MAGI2: variants seen among roughly 807,000 people sequenced by gnomAD.
MAGI2 encodes membrane-associated guanylate kinase, WW and PDZ domain-containing protein 2.
Under a neutral mutation model 133.3 loss-of-function variants are expected in MAGI2, and 35 were observed. The ratio of observed to expected loss-of-function variants is 0.26; its 90% CI spans 0.20 to 0.35. The LOEUF is 0.35. Ranked by LOEUF, MAGI2 falls within the 10% of genes least tolerant of loss-of-function variation. The pLI is 1.00. For missense variants in MAGI2, 1,636 were observed against 1,863.4 expected, an observed-to-expected ratio of 0.88 and a Z score of 2.25; for synonymous variants, 729 against 710.6, an observed-to-expected ratio of 1.03 and a Z score of -0.41.
At chr7:79,134,881 T>TATG (rs1821240255) in intron 1 of MAGI2, among the ~76,000 whole-genome samples, 1 of 152,174 alleles carries the variant, frequency 6.6e-6, no homozygotes, top group Non-Finnish European at 1.5e-5. Context: ...AGATAATAGA[T>TATG]ATGATTCCCT....
intron 9 of MAGI2, among the ~76,000 whole-genome samples, chr7:78,302,374 G>A (rs1797905715): frequency 6.6e-6 from 1 of 152,078 alleles, no homozygotes; most frequent in Non-Finnish European, 1.5e-5. Flanking sequence ...AATATAACGT[G>A]GTCACCGGGT....
At chr7:78,055,080 G>C (rs1178456609) in intron 21 of MAGI2, among the ~76,000 whole-genome samples, 1 of 152,158 alleles carries the variant, frequency 6.6e-6, no homozygotes, top group Non-Finnish European at 1.5e-5. Context: ...ACATCCACTG[G>C]TGTGAGGTGA....
intron 2 of MAGI2, among the ~76,000 whole-genome samples, chr7:78,910,627 T>G (rs1026849519): frequency 6.6e-6 from 1 of 152,172 alleles, no homozygotes; most frequent in Non-Finnish European, 1.5e-5. Context: ...ATTGCAAGGT[T>G]TCAAGTACAA....
At chr7:78,968,447 A>C (rs1203083772) in intron 2 of MAGI2, among the ~76,000 whole-genome samples, 3 of 150,734 alleles carry the variant, frequency 2.0e-5, no homozygotes, top group Non-Finnish European at 4.4e-5. Context: ...TTTGGTCTTA[A>C]TGTACAGGTC....
At chr7:78,208,669 T>G (rs1001928612) in intron 10 of MAGI2, among the ~76,000 whole-genome samples, 9 of 145,176 alleles carry the variant, frequency 6.2e-5, no homozygotes, top group African/African-American at 2.3e-4. Context: ...CTGACATTTT[T>G]TAAAAAATGG....
intron 2 of MAGI2, among the ~76,000 whole-genome samples, chr7:78,885,563 T>C (rs1483934129): frequency 6.6e-6 from 1 of 151,776 alleles, no homozygotes; most frequent in Non-Finnish European, 1.5e-5. Flanking sequence ...AGGCCAATGT[T>C]AGAACCAGCC....
chr7:78,705,345 G>A (rs1818533212), intron 2 of MAGI2, among the ~76,000 whole-genome samples: 1 of 152,070 alleles, frequency 6.6e-6, no homozygotes, highest in Admixed American at 6.6e-5. Context: ...TTTGCCTTGT[G>A]CCATGGTTGT....
At chr7:78,891,055 G>A (rs1033671641) in intron 2 of MAGI2, among the ~76,000 whole-genome samples, 2 of 152,056 alleles carry the variant, frequency 1.3e-5, no homozygotes, top group African/African-American at 4.8e-5. Context: ...TATCACCACC[G>A]ATCCCACAGA....
chr7:79,250,190 G>C (rs1171283128), intron 1 of MAGI2, among the ~76,000 whole-genome samples: 1 of 152,012 alleles, frequency 6.6e-6, no homozygotes, highest in Non-Finnish European at 1.5e-5. Context: ...GTGTGATACT[G>C]AATGGGGAAA....
At chr7:78,255,518 C>T in intron 10 of MAGI2, 1 of 328,504 alleles carries the variant, frequency 3.0e-6, no homozygotes, top group South Asian at 3.1e-5. Context: ...GTTGAACTGG[C>T]TTCCACCTGC....
At chr7:78,652,036 T>G (rs934881420) in intron 2 of MAGI2, among the ~76,000 whole-genome samples, 1 of 152,112 alleles carries the variant, frequency 6.6e-6, no homozygotes, top group Non-Finnish European at 1.5e-5. Context: ...TGAAGAAAAT[T>G]TAGAAAACCT....
chr7:78,207,217 C>G (rs1787190624), intron 10 of MAGI2, among the ~76,000 whole-genome samples: 1 of 136,814 alleles, frequency 7.3e-6, no homozygotes, highest in Non-Finnish European at 1.6e-5. Flanking sequence ...ACAGACCTTT[C>G]TACCTCTTAA....
At chr7:79,395,830 A>G (rs938585641) in intron 1 of MAGI2, among the ~76,000 whole-genome samples, 1 of 152,170 alleles carries the variant, frequency 6.6e-6, no homozygotes, top group African/African-American at 2.4e-5. Context: ...GATACTCTAG[A>G]ATAGCTATGC....
intron 2 of MAGI2, among the ~76,000 whole-genome samples, chr7:78,868,696 C>T (rs1431063533): frequency 6.6e-6 from 1 of 151,988 alleles, no homozygotes; most frequent in Non-Finnish European, 1.5e-5. Flanking sequence ...CTAACTAGAA[C>T]AAAGTTCTGG....
intron 2 of MAGI2, among the ~76,000 whole-genome samples, chr7:78,997,429 C>A (rs1251754511): frequency 6.6e-6 from 1 of 151,890 alleles, no homozygotes; most frequent in African/African-American, 2.4e-5. Context: ...CATGGAGAAA[C>A]CCTGTCTACT....
intron 3 of MAGI2, among the ~76,000 whole-genome samples, chr7:78,609,091 CG>C (rs1806146758): frequency 6.6e-6 from 1 of 152,234 alleles, no homozygotes; most frequent in South Asian, 2.1e-4. Flanking sequence ...TACATTTTCA[CG>C]TTTTTCTGCC....
intron 1 of MAGI2, among the ~76,000 whole-genome samples, chr7:79,094,191 A>C (rs1817326325): frequency 6.6e-6 from 1 of 152,170 alleles, no homozygotes; most frequent in African/African-American, 2.4e-5. Flanking sequence ...AAATATTCTA[A>C]ATCCTTTGCT....
chr7:78,557,561 G>A (rs1054784962), intron 3 of MAGI2, among the ~76,000 whole-genome samples: 8 of 152,110 alleles, frequency 5.3e-5, no homozygotes, highest in Non-Finnish European at 8.8e-5. Flanking sequence ...GAGGCTCCCA[G>A]GGCTTCTCCA....
At chr7:78,299,535 C>T (rs571824834) in intron 9 of MAGI2, among the ~76,000 whole-genome samples, 9 of 152,210 alleles carry the variant, frequency 5.9e-5, no homozygotes, top group Non-Finnish European at 1.2e-4. Context: ...CAAAAAAATG[C>T]TACAGGGAAT....
Sources: allele counts gnomAD v4.1 joint callset (sites outside exome capture counted in the v4.1 genomes callset), GRCh38; gene constraint gnomAD v4.1.1; transcripts MANE v1.5; gene names NCBI Gene and HGNC (gene_info 2026-07-23, HGNC 2026-07-21).